The following PHF21A variants were observed in gnomAD, a reference collection of about 807,000 sequenced individuals.
PHF21A encodes the protein PHD finger protein 21A.
PHF21A carries 11 observed loss-of-function variants against 82.5 expected under a neutral mutation model. That is an observed-to-expected ratio of 0.13 (90% CI 0.08 to 0.22). PHF21A has a LOEUF of 0.22. Ranked by LOEUF, PHF21A falls within the 10% of genes least tolerant of loss-of-function variation. PHF21A has a pLI of 1.00. For missense variants in PHF21A, 579 were observed against 837.8 expected, an observed-to-expected ratio of 0.69 and a Z score of 3.81; for synonymous variants, 297 against 302.8, an observed-to-expected ratio of 0.98 and a Z score of 0.20.
intron 7 of PHF21A, among the ~76,000 whole-genome samples, chr11:45,974,680 C>T (rs1041310529): frequency 6.6e-6 from 1 of 151,948 alleles, no homozygotes; most frequent in Admixed American, 6.6e-5. Context: ...GTCTAGAACT[C>T]GCTCTCACGT....
intron 6 of PHF21A, among the ~76,000 whole-genome samples, chr11:46,037,790 A>G (rs1335996951): frequency 6.6e-6 from 1 of 152,028 alleles, no homozygotes; most frequent in Non-Finnish European, 1.5e-5. Context: ...AATTTTAGCA[A>G]CAGTATGAAT....
intron 6 of PHF21A, among the ~76,000 whole-genome samples, chr11:45,991,314 T>C (rs981145542): frequency 6.6e-6 from 1 of 152,216 alleles, no homozygotes; most frequent in Non-Finnish European, 1.5e-5. Context: ...GTGAATTCTA[T>C]AACTGTTACA....
intron 3 of PHF21A, among the ~76,000 whole-genome samples, chr11:46,086,139 G>A (rs1397795488): frequency 1.4e-5 from 2 of 147,694 alleles, no homozygotes; most frequent in Non-Finnish European, 1.5e-5. Flanking sequence ...TTTTTTTTGA[G>A]AAAGAGTCTC....
At position 46,109,850 on chromosome 11, in the gene PHF21A, C is replaced by T. The variant is rs181660086; in HGVS notation, c.-237+11085G>A. The stretch of plus-strand genomic sequence containing the variant: ...CAAAAATTAGCCGGGTGTGGTGGCA[C>T]ATGCCTGTAGTCCCAACTACTCGGG... On this transcript the variant is annotated intron_variant, in intron 1 of 18. Transcript: ENST00000676320. Among the ~76,000 whole-genome samples, 73 of 152,052 alleles carry T rather than the reference C, an allele frequency of 4.8e-4. 1 individual carries two copies. In the East Asian group the frequency reaches 5.6e-3, roughly 12 times the overall value.
At chr11:46,060,445 A>G (rs530623615) in intron 6 of PHF21A, among the ~76,000 whole-genome samples, 21 of 152,212 alleles carry the variant, frequency 1.4e-4, no homozygotes, top group Non-Finnish European at 2.9e-4. Flanking sequence ...ACATACTCAT[A>G]TAAAATTATG....
chr11:45,937,826 C>T (rs2089444126), intron 16 of PHF21A, among the ~76,000 whole-genome samples: 1 of 152,192 alleles, frequency 6.6e-6, no homozygotes, highest in Non-Finnish European at 1.5e-5. Context: ...CCCTTAATTT[C>T]ATTCCCAAAG....
intron 6 of PHF21A, among the ~76,000 whole-genome samples, chr11:46,018,328 C>T (rs998820186): frequency 6.6e-6 from 1 of 152,078 alleles, no homozygotes; most frequent in Non-Finnish European, 1.5e-5. Context: ...CCCCAGAATG[C>T]CCAATGATCT....
chr11:46,033,752 C>T (rs971187402), intron 6 of PHF21A, among the ~76,000 whole-genome samples: 7 of 152,076 alleles, frequency 4.6e-5, no homozygotes, highest in Non-Finnish European at 7.4e-5. Flanking sequence ...ATATAAACAC[C>T]GGATTTCAAA....
At chr11:45,972,769 C>T (rs373915657) in intron 7 of PHF21A, among the ~76,000 whole-genome samples, 1 of 152,202 alleles carries the variant, frequency 6.6e-6, no homozygotes, top group Non-Finnish European at 1.5e-5. Context: ...CAAAAATCAG[C>T]CAGGCCTGGT....
In PHF21A at chr11:45,933,812, C is replaced by T. The variant is rs566289953; in HGVS notation, c.*156G>A. 6.2e-6 allele frequency: 4 copies of T among 650,298 alleles called. No individual in the cohort carries two copies. The highest frequency in any genetic ancestry group is 9.9e-6 in the Non-Finnish European group (4 of 402,342). The allele number at this position is 650,298 out of a possible 1,614,324, so 40.3% of individuals were successfully genotyped here. ...AATAAGAAGGATCAATTGGCAAACTCTGGTGCCACCTGGCACAAGCATCTT... is the reference window on the plus strand; with the variant it reads ...AATAAGAAGGATCAATTGGCAAACTTTGGTGCCACCTGGCACAAGCATCTT... On this transcript the variant is annotated 3_prime_UTR_variant, in exon 19 of 19. Coordinates refer to ENST00000676320, the MANE Select transcript of PHF21A (RefSeq NM_001352027.3).
intron 6 of PHF21A, among the ~76,000 whole-genome samples, chr11:46,010,934 G>A (rs965885569): frequency 1.3e-5 from 2 of 151,998 alleles, no homozygotes; most frequent in Non-Finnish European, 2.9e-5. Context: ...TAATAAATAA[G>A]CATGATCAAG....
intron 6 of PHF21A, among the ~76,000 whole-genome samples, chr11:45,984,351 T>A (rs1391757470): frequency 6.6e-6 from 1 of 152,210 alleles, no homozygotes; most frequent in Admixed American, 6.5e-5. Context: ...AAACCCAGCA[T>A]GTAACAAGGA....
chr11:45,975,377 T>TAAAATAAAACAAAAC (rs748967157), intron 7 of PHF21A, among the ~76,000 whole-genome samples: 1,588 of 130,406 alleles, frequency 0.012, 11 homozygotes, highest in Middle Eastern at 0.02. Context: ...TAAAATAAAA[T>TAAAATAAAACAAAAC]AAAACAAAAC....
chr11:46,034,996 G>A (rs1269429150), intron 6 of PHF21A, among the ~76,000 whole-genome samples: 1 of 152,186 alleles, frequency 6.6e-6, no homozygotes, highest in Non-Finnish European at 1.5e-5. Context: ...AAATGAAGTG[G>A]AGAACATATG....
intron 18 of PHF21A, 176 bp from the exon 19 acceptor site, chr11:45,934,401 C>G (rs1000385557): frequency 3.2e-5 from 20 of 623,186 alleles, no homozygotes; most frequent in Non-Finnish European, 5.5e-5. Flanking sequence ...ACCTAAGGAA[C>G]AGGGCGGGTG....
chr11:45,980,554 G>A (rs1360102436), intron 6 of PHF21A, among the ~76,000 whole-genome samples: 2 of 152,136 alleles, frequency 1.3e-5, no homozygotes, highest in Non-Finnish European at 2.9e-5. Flanking sequence ...TTGGAGTACA[G>A]TAGCTATTCA....
At chr11:46,099,265 C>G (rs868505825) in intron 1 of PHF21A, among the ~76,000 whole-genome samples, 1 of 152,140 alleles carries the variant, frequency 6.6e-6, no homozygotes, top group Non-Finnish European at 1.5e-5. Flanking sequence ...CTCAACTCCT[C>G]CCTGATGGAG....
At chr11:46,118,958 C>A (rs1852169868) in intron 1 of PHF21A, among the ~76,000 whole-genome samples, 1 of 152,016 alleles carries the variant, frequency 6.6e-6, no homozygotes, top group Non-Finnish European at 1.5e-5. Context: ...CATGGTTTAG[C>A]CTCAATTTCA....
intron 6 of PHF21A, among the ~76,000 whole-genome samples, chr11:46,058,705 G>A (rs2096492988): frequency 6.6e-6 from 1 of 152,150 alleles, no homozygotes; most frequent in African/African-American, 2.4e-5. Flanking sequence ...TTCTCTGACA[G>A]GGGCTCTCTG....
Sources: gnomAD v4.1 joint callset for allele counts (sites outside exome capture counted in the v4.1 genomes callset) on GRCh38, gnomAD v4.1.1 for gene constraint, MANE v1.5 for transcripts, NCBI Gene and HGNC (gene_info 2026-07-23, HGNC 2026-07-21) for gene names.